The following NXPE4 variants were observed in gnomAD, a reference collection of about 807,000 sequenced individuals.
NXPE4 encodes the protein neurexophilin and PC-esterase domain family member 4.
A neutral mutation model predicts 33.3 loss-of-function variants in NXPE4; 42 were observed. The ratio of observed to expected loss-of-function variants is 1.26; its 90% confidence interval spans 0.98 to 1.63. The LOEUF (loss-of-function observed/expected upper bound fraction) is 1.63, where lower values mean the gene tolerates loss of function less well. Among genes scored for constraint, NXPE4 ranks in the 40% most tolerant of loss-of-function variants. The probability of loss-of-function intolerance (pLI) is 0.00; values close to 1 mark genes in which losing one functional copy is unlikely to be tolerated. For synonymous variants in NXPE4, 253 were observed against 234.9 expected (o/e 1.08, Z -0.71); for missense variants, 709 against 647.6 (o/e 1.09, Z -1.03).
At chr11:114,663,598 T>TATC in the NXPE4 span, among the ~76,000 whole-genome samples, 6 of 96,392 alleles carry the variant, frequency 6.2e-5, no homozygotes, top group African/African-American at 1.1e-4. Context: ...TCTATCTATC[T>TATC]ATCTATCTAT....
intron 5 of NXPE4, among the ~76,000 whole-genome samples, chr11:114,574,261 G>A (rs1948951129): frequency 6.6e-6 from 1 of 151,908 alleles, no homozygotes; most frequent in Non-Finnish European, 1.5e-5. Flanking sequence ...AAAAGTCTGA[G>A]AGGGCACAAA....
At chr11:114,640,044 TTATAA>T in the NXPE4 span, among the ~76,000 whole-genome samples, 1 of 118,706 alleles carries the variant, frequency 8.4e-6, no homozygotes, top group South Asian at 2.5e-4. Context: ...TTATATTATT[TTATAA>T]TATATAATTT....
chr11:114,639,984 ATAATAAT>A, the NXPE4 span, among the ~76,000 whole-genome samples: 19 of 96,324 alleles, frequency 2.0e-4, no homozygotes, highest in Non-Finnish European at 4.1e-5. Context: ...ATAATATAAT[ATAATAAT>A]GTTATATAAT....
chr11:114,674,936 T>C, the NXPE4 span, among the ~76,000 whole-genome samples: 1 of 151,726 alleles, frequency 6.6e-6, no homozygotes, highest in African/African-American at 2.4e-5. Context: ...CAATAGCACA[T>C]TGAAAGAATG....
intron 5 of NXPE4, among the ~76,000 whole-genome samples, chr11:114,573,967 A>T (rs1267672619): frequency 6.6e-6 from 1 of 152,106 alleles, no homozygotes; most frequent in Non-Finnish European, 1.5e-5. Flanking sequence ...AGGCCACAAA[A>T]CAAGTCTCAG....
chr11:114,655,479 T>G, the NXPE4 span, among the ~76,000 whole-genome samples: 1 of 152,224 alleles, frequency 6.6e-6, no homozygotes, highest in East Asian at 1.9e-4. Flanking sequence ...AAGTCTTTAA[T>G]CCATCTTGAG....
the NXPE4 span, among the ~76,000 whole-genome samples, chr11:114,642,146 G>A: frequency 2.6e-5 from 4 of 152,032 alleles, no homozygotes; most frequent in Admixed American, 1.3e-4. Context: ...AACACTAGCA[G>A]TGAAAATTGT....
At chr11:114,638,766 C>T in the NXPE4 span, among the ~76,000 whole-genome samples, 1 of 151,986 alleles carries the variant, frequency 6.6e-6, no homozygotes, top group Non-Finnish European at 1.5e-5. Context: ...GCAGCAGTGT[C>T]TGCAGAACAG....
At chr11:114,671,254 G>T in the NXPE4 span, among the ~76,000 whole-genome samples, 1 of 151,154 alleles carries the variant, frequency 6.6e-6, no homozygotes, top group Admixed American at 6.6e-5. Context: ...AGAGAACAGA[G>T]AGAAAAATAA....
chr11:114,639,200 GC>G, the NXPE4 span, among the ~76,000 whole-genome samples: 6 of 151,018 alleles, frequency 4.0e-5, no homozygotes, highest in African/African-American at 1.5e-4. Context: ...CCTCACTGCC[GC>G]CTTTCAGTTT....
At chr11:114,615,753 G>A in the NXPE4 span, among the ~76,000 whole-genome samples, 1 of 151,466 alleles carries the variant, frequency 6.6e-6, no homozygotes, top group Non-Finnish European at 1.5e-5. Context: ...TTACTCAGTG[G>A]ATAATAAGTA....
chr11:114,607,605 G>A, the NXPE4 span, among the ~76,000 whole-genome samples: 1 of 151,536 alleles, frequency 6.6e-6, no homozygotes, highest in Non-Finnish European at 1.5e-5. Context: ...TGCCTCGTGA[G>A]TAACCAGTGT....
chr11:114,581,844 A>G, intron 3 of NXPE4, 58 bp from the exon 4 acceptor site: 1 of 1,163,100 alleles, frequency 8.6e-7, no homozygotes, highest in Non-Finnish European at 1.3e-6. Context: ...GGAAACATAC[A>G]GAAACTAGAT....
At chr11:114,619,274 T>C in the NXPE4 span, among the ~76,000 whole-genome samples, 1 of 152,132 alleles carries the variant, frequency 6.6e-6, no homozygotes, top group Non-Finnish European at 1.5e-5. Flanking sequence ...TGGTACCTGG[T>C]GGATAATAAG....
Position 114,594,208 on chromosome 11 carries a change from A to G in NXPE4, c.96+456T>C, listed in dbSNP as rs113106307. On this transcript the variant is annotated intron_variant, in intron 2 of 5. Transcript: ENST00000375478. ...TGTCTTGTTTGTAGCACAAGAAAGG[A>G]TAAATTCTTGAGGCAATGAATACCC... Among the ~76,000 whole-genome samples the G allele has an allele frequency of 3.5e-3, 536 of 152,270 alleles. 3 individuals are homozygous for G. Among genetic ancestry groups the G allele is most frequent in the African/African-American group, 0.012 (511 of 41,558 alleles).
At chr11:114,629,738 T>C in the NXPE4 span, among the ~76,000 whole-genome samples, 1 of 151,654 alleles carries the variant, frequency 6.6e-6, no homozygotes, top group Non-Finnish European at 1.5e-5. Context: ...ATTGTCCCTG[T>C]TTGCAGACGA....
the NXPE4 span, among the ~76,000 whole-genome samples, chr11:114,632,975 A>C: frequency 2.9e-4 from 30 of 103,646 alleles, no homozygotes; most frequent in African/African-American, 1.2e-3. Context: ...TATATTATAT[A>C]TTATATATTT....
At chr11:114,602,194 A>C in the NXPE4 span, among the ~76,000 whole-genome samples, 1 of 108,994 alleles carries the variant, frequency 9.2e-6, no homozygotes, top group African/African-American at 3.7e-5. Flanking sequence ...ATTATATATA[A>C]TATATAATAC....
Position 114,571,286 on chromosome 11 carries a change from A to G in NXPE4, c.1287T>C (p.Thr429=). 6.2e-7 allele frequency: 1 copy of G among 1,614,030 alleles called. No homozygotes were observed. The highest frequency in any genetic ancestry group is 1.3e-5 in the African/African-American group (1 of 75,036). ...GCTGGCCCAGGGAAATAACAATGAC[A>G]GTATTTTTTTCTCCTCCAGTTCTGT... is the stretch of plus-strand genomic sequence containing the variant. ...AIDRTGGEKN[T]VIVISLGQHF... is the part of the protein sequence containing the mutation. Residue 429 remains threonine (T), a synonymous_variant, in exon 6 of 6, where the codon ACT becomes ACC. Transcript: ENST00000375478.
Sources: allele counts gnomAD v4.1 joint callset (sites outside exome capture counted in the v4.1 genomes callset), GRCh38; gene constraint gnomAD v4.1.1; transcripts MANE v1.5; gene names NCBI Gene and HGNC (gene_info 2026-07-23, HGNC 2026-07-21).